MMAA: variants seen among roughly 807,000 people sequenced by gnomAD.
The protein encoded by MMAA is metabolism of cobalamin associated A, also known as methylmalonic aciduria type A protein, mitochondrial.
In MMAA, 41 loss-of-function variants were observed where a neutral mutation model predicts 45.0. The ratio of observed to expected loss-of-function variants is 0.91; its 90% CI spans 0.71 to 1.18. The LOEUF (loss-of-function observed/expected upper bound fraction) is 1.18. Among genes scored for constraint, MMAA ranks in the 50% most tolerant of loss-of-function variants. MMAA has a pLI of 0.00. For synonymous variants in MMAA, 154 were observed against 178.2 expected, an observed-to-expected ratio of 0.86 and a Z score of 1.08; for missense variants, 460 against 495.7, an observed-to-expected ratio of 0.93 and a Z score of 0.68.
chr4:145,631,334 G>C (rs771587333), intron 1 of MMAA, among the ~76,000 whole-genome samples: 4 of 152,082 alleles, frequency 2.6e-5, no homozygotes, highest in East Asian at 1.9e-4. Context: ...TCCAAGGTTG[G>C]GTGCATGTAG....
chr4:145,641,862 T>C (rs1727796022), intron 2 of MMAA, among the ~76,000 whole-genome samples: 1 of 152,252 alleles, frequency 6.6e-6, no homozygotes, highest in African/African-American at 2.4e-5. Context: ...ATTCAGTTTA[T>C]ATTCTTTGAG....
intron 1 of MMAA, among the ~76,000 whole-genome samples, chr4:145,634,147 G>T (rs1335189735): frequency 2.6e-5 from 4 of 152,230 alleles, no homozygotes; most frequent in African/African-American, 7.2e-5. Context: ...TCATTTGAGG[G>T]TGGTAAGTTC....
At chr4:145,622,400 G>A (rs369309136) in intron 1 of MMAA, among the ~76,000 whole-genome samples, 12 of 152,028 alleles carry the variant, frequency 7.9e-5, no homozygotes, top group Middle Eastern at 3.4e-3. Flanking sequence ...ACCCAGTCTC[G>A]GGTATGTCTT....
At chr4:145,642,786 G>A in intron 3 of MMAA, 3 of 377,028 alleles carry the variant, frequency 8.0e-6, no homozygotes, top group South Asian at 4.9e-5. Context: ...ATAAGGCCAG[G>A]CCCCTCTTTG....
At chr4:145,643,944 C>CA (rs1217156314) in intron 3 of MMAA, among the ~76,000 whole-genome samples, 2 of 151,892 alleles carry the variant, frequency 1.3e-5, no homozygotes, top group South Asian at 2.1e-4. Flanking sequence ...CTTTCTCAGG[C>CA]AAAAAATTAT....
rs751133516 is a variant in MMAA, at chr4:145,655,273, T to G, written c.1096T>G (p.Trp366Gly). Residue 366 changes from tryptophan to glycine, a missense_variant, in exon 7 of 7, where the codon TGG (tryptophan) becomes GGG (glycine). Physicochemically the swap from Trp to Gly is radical, Grantham distance 184. Coordinates refer to ENST00000649156, the MANE Select transcript of MMAA (RefSeq NM_172250.3). ...CAAACGACGGAAGCAACAGAAAGTT[T>G]GGATGTGGAATCTCATTCAGGAAAG... ...TAKRRKQQKV[W>G]MWNLIQESVL... 1.9e-6 allele frequency: 3 copies of G among 1,614,176 alleles called. No homozygotes were observed. The East Asian group carries it at 6.7e-5, about 36-fold the overall frequency.
At chr4:145,643,133 C>T (rs1214410664) in intron 3 of MMAA, among the ~76,000 whole-genome samples, 1 of 152,106 alleles carries the variant, frequency 6.6e-6, no homozygotes, top group African/African-American at 2.4e-5. Context: ...AACTTAGTTC[C>T]CCAAAGGATC....
intron 5 of MMAA, among the ~76,000 whole-genome samples, chr4:145,653,208 A>G (rs1395023032): frequency 6.6e-6 from 1 of 152,184 alleles, no homozygotes; most frequent in Non-Finnish European, 1.5e-5. Flanking sequence ...CTTCTGTTTC[A>G]ATTTTATAAT....
rs1299926881 is a variant in MMAA at position 145,624,240 on chromosome 4, AGG to A, written c.-66+4835_-66+4836del. ...TACAGGCAAAGAGATCACAAACTGC[AGG>A]GAGGCCATAATGGTCTGGGGGGAAG... On this transcript the variant is annotated intron_variant, in intron 1 of 6. Transcript: ENST00000649156. 28 of 807,820 alleles carry A rather than the reference AGG, an allele frequency of 3.5e-5. 1 individual carries two copies. The highest frequency in any genetic ancestry group is 1.7e-5 in the Admixed American group (1 of 59,036). 50.0% of individuals were successfully genotyped at this position (807,820 alleles called of 1,614,324 possible). A position where few individuals can be genotyped will look rare whatever the true frequency, so the allele number is the denominator to read the frequency against.
chr4:145,647,212 G>A (rs1405486396), intron 4 of MMAA, among the ~76,000 whole-genome samples: 1 of 152,192 alleles, frequency 6.6e-6, no homozygotes, highest in Admixed American at 6.5e-5. Flanking sequence ...ATGATAAGAT[G>A]TGAGATAAGG....
intron 5 of MMAA, among the ~76,000 whole-genome samples, chr4:145,652,076 T>C (rs1560801581): frequency 2.6e-5 from 4 of 152,092 alleles, no homozygotes; most frequent in African/African-American, 9.7e-5. Context: ...GAAAGCACTA[T>C]ATTACAATTG....
At chr4:145,630,215 T>C (rs1472641080) in intron 1 of MMAA, among the ~76,000 whole-genome samples, 1 of 152,210 alleles carries the variant, frequency 6.6e-6, no homozygotes, top group Non-Finnish European at 1.5e-5. Context: ...ATTTCTTCAT[T>C]GTTCAATGTT....
Position 145,657,264 on chromosome 4 carries a change from A to C in MMAA, c.*1830A>C, listed in dbSNP as rs1045877294. On this transcript the variant is annotated 3_prime_UTR_variant, in exon 7 of 7. Coordinates refer to ENST00000649156, the MANE Select transcript of MMAA (RefSeq NM_172250.3). The stretch of plus-strand genomic sequence containing the variant: ...ATCATTAGAAAACTCATTTCTCCTT[A>C]TGTTGTCGTTGTACCATTGGGTATT... 6.6e-6 allele frequency: 1 copy of C among 152,154 alleles called. No homozygotes were observed. Among genetic ancestry groups the C allele is most frequent in the Non-Finnish European group, 1.5e-5 (1 of 68,020 alleles). 9.4% of individuals were successfully genotyped at this position (152,154 alleles called of 1,614,324 possible).
chr4:145,658,923 A>G lies in MMAA; in HGVS notation c.*3489A>G, dbSNP rs1578891692. On this transcript the variant is annotated 3_prime_UTR_variant, in exon 7 of 7. Transcript: ENST00000649156. ...GGCTTCGTTAATGCAAATGCTTCCT[A>G]CGCCAGACTTTATGAAACTCCTCCT... The G allele has an allele frequency of 6.6e-6, 1 of 152,190 alleles. No homozygotes were observed. Among genetic ancestry groups the G allele is most frequent in the Admixed American group, 6.5e-5 (1 of 15,280 alleles). The allele number at this position is 152,190 out of a possible 1,614,324, so 9.4% of individuals were successfully genotyped here.
intron 3 of MMAA, 53 bp downstream of exon 3, chr4:145,642,538 C>T (rs1194109882): frequency 6.2e-7 from 1 of 1,611,634 alleles, no homozygotes; most frequent in Non-Finnish European, 8.5e-7. Flanking sequence ...CTTTCTGTTA[C>T]AATTTAGTAG....
At chr4:145,639,635 GTT>G in intron 2 of MMAA, 57 bp downstream of exon 2, 2 of 1,548,234 alleles carry the variant, frequency 1.3e-6, no homozygotes, top group Non-Finnish European at 1.7e-6. Flanking sequence ...TCTGTATTCT[GTT>G]TTTTAAAAAA....
intron 1 of MMAA, among the ~76,000 whole-genome samples, chr4:145,633,586 G>A (rs538076711): frequency 1.3e-5 from 2 of 152,316 alleles, no homozygotes; most frequent in African/African-American, 4.8e-5. Context: ...CAGGATTGGT[G>A]CCTGGTGCCT....
At position 145,646,009 on chromosome 4, in the gene MMAA, C is replaced by T. The variant is rs1029096863; in HGVS notation, c.586C>T (p.Arg196Ter). Residue 196 changes from arginine to a stop codon, truncating the protein, a stop_gained, in exon 4 of 7, where the codon CGA becomes TGA. Transcript: ENST00000649156. LOFTEE classifies it high-confidence loss of function. ...SGGSLLGDKT[R>*]MTELSRDMNA... ...AGGATCACTCTTAGGTGATAAAACCCGAATGACTGAGTTATCAAGAGATAT... is the reference window on the plus strand; with the variant it reads ...AGGATCACTCTTAGGTGATAAAACCTGAATGACTGAGTTATCAAGAGATAT... The T allele has an allele frequency of 2.4e-5, 39 of 1,613,664 alleles. No homozygotes were observed. The highest frequency in any genetic ancestry group is 3.1e-5 in the Non-Finnish European group (36 of 1,179,884).
At chr4:145,640,708 G>C (rs761010810) in intron 2 of MMAA, among the ~76,000 whole-genome samples, 9 of 152,186 alleles carry the variant, frequency 5.9e-5, no homozygotes, top group Non-Finnish European at 1.0e-4. Context: ...CTGTATATTA[G>C]ATGTTCATTT....
Sources: gnomAD v4.1 joint callset for allele counts (sites outside exome capture counted in the v4.1 genomes callset) on GRCh38, gnomAD v4.1.1 for gene constraint, MANE v1.5 for transcripts, NCBI Gene and HGNC (gene_info 2026-07-23, HGNC 2026-07-21) for gene names.